Variants in AGTPBP1 observed in about 807,000 individuals in gnomAD.
AGTPBP1 encodes cytosolic carboxypeptidase 1.
In AGTPBP1, 70 loss-of-function variants were observed where a neutral mutation model predicts 143.9. That is an observed-to-expected ratio of 0.49 (90% CI 0.40 to 0.59). The LOEUF is 0.59. AGTPBP1 is among the 20% of genes least tolerant of loss of function. AGTPBP1 has a pLI of 0.00. For missense variants in AGTPBP1, 1,229 were observed against 1,464.5 expected (o/e 0.84, Z 2.62); for synonymous variants, 463 against 500.2 (o/e 0.93, Z 0.99).
chr9:85,778,053 G>A, the AGTPBP1 span, among the ~76,000 whole-genome samples: 3 of 152,206 alleles, frequency 2.0e-5, no homozygotes, highest in Non-Finnish European at 2.9e-5. Context: ...TGAGGCCATC[G>A]GTGCAGGCTG....
chr9:85,720,047 G>C (rs1453169894), intron 1 of AGTPBP1, among the ~76,000 whole-genome samples: 1 of 152,178 alleles, frequency 6.6e-6, no homozygotes, highest in Non-Finnish European at 1.5e-5. Context: ...TTCTTGTGCT[G>C]CTGGATTCAG....
intron 18 of AGTPBP1, among the ~76,000 whole-genome samples, chr9:85,593,565 G>A (rs191646747): frequency 3.3e-5 from 5 of 152,242 alleles, no homozygotes; most frequent in South Asian, 2.1e-4. Context: ...TGTGATAATC[G>A]CATTGTAGTT....
At chr9:85,624,102 T>C (rs914959693) in intron 14 of AGTPBP1, among the ~76,000 whole-genome samples, 3 of 152,220 alleles carry the variant, frequency 2.0e-5, no homozygotes, top group African/African-American at 4.8e-5. Context: ...GGCAACACTA[T>C]AAGAAATCAT....
In AGTPBP1 at chr9:85,701,599, A is replaced by G. The variant is rs555398920; in HGVS notation, c.33-8786T>C. ...CAATTACTATATTGTAGGAGTGATCAAACAGTCCACATGAGGAACACCATG... is the reference window on the plus strand; with the variant it reads ...CAATTACTATATTGTAGGAGTGATCGAACAGTCCACATGAGGAACACCATG... On this transcript the variant is annotated intron_variant, in intron 2 of 25. Coordinates refer to ENST00000357081, the MANE Select transcript of AGTPBP1 (RefSeq NM_001330701.2). 5.9e-5 allele frequency among the ~76,000 whole-genome samples: 9 copies of G among 152,354 alleles called. No homozygotes were observed. The East Asian group carries it at 1.7e-3, about 29-fold the overall frequency.
intron 2 of AGTPBP1, among the ~76,000 whole-genome samples, chr9:85,711,223 A>G (rs982028240): frequency 6.6e-6 from 1 of 152,194 alleles, no homozygotes; most frequent in African/African-American, 2.4e-5. Flanking sequence ...CATTATCATT[A>G]AAGTAATTGT....
chr9:85,667,470 T>A (rs1390058261), intron 8 of AGTPBP1, among the ~76,000 whole-genome samples: 2 of 152,048 alleles, frequency 1.3e-5, no homozygotes, highest in African/African-American at 4.8e-5. Flanking sequence ...TTCCAACCAC[T>A]AATGAAATAA....
At chr9:85,785,070 T>C in the AGTPBP1 span, among the ~76,000 whole-genome samples, 2 of 152,100 alleles carry the variant, frequency 1.3e-5, no homozygotes, top group Non-Finnish European at 2.9e-5. Context: ...CGGTGGCTCA[T>C]GCCTGTAATC....
chr9:85,754,375 A>G, the AGTPBP1 span, among the ~76,000 whole-genome samples: 1 of 152,150 alleles, frequency 6.6e-6, no homozygotes, highest in Non-Finnish European at 1.5e-5. Context: ...TATTTTTAGT[A>G]GAGACGGGGT....
At chr9:85,770,770 T>C in the AGTPBP1 span, among the ~76,000 whole-genome samples, 2 of 152,124 alleles carry the variant, frequency 1.3e-5, no homozygotes, top group East Asian at 1.9e-4. Context: ...ATTTAAGTTA[T>C]ATTCCTTGCT....
intron 23 of AGTPBP1, among the ~76,000 whole-genome samples, chr9:85,581,244 G>A (rs1828240515): frequency 6.6e-6 from 1 of 152,170 alleles, no homozygotes; most frequent in African/African-American, 2.4e-5. Context: ...CATAGGAAGA[G>A]AGGCACTGTG....
chr9:85,580,883 T>C (rs969784859), intron 23 of AGTPBP1, among the ~76,000 whole-genome samples: 4 of 152,170 alleles, frequency 2.6e-5, no homozygotes, highest in African/African-American at 9.7e-5. Context: ...AATATTGTCA[T>C]GGGAAAAAGT....
At chr9:85,550,074 A>C (rs999897626) in intron 25 of AGTPBP1, among the ~76,000 whole-genome samples, 1 of 152,264 alleles carries the variant, frequency 6.6e-6, no homozygotes, top group South Asian at 2.1e-4. Context: ...AGCTATTGTG[A>C]TGGGCCCACC....
At chr9:85,614,113 A>C (rs891263678) in intron 17 of AGTPBP1, among the ~76,000 whole-genome samples, 5 of 152,068 alleles carry the variant, frequency 3.3e-5, no homozygotes, top group African/African-American at 1.2e-4. Flanking sequence ...GGATATGCTT[A>C]ATGTAAACAC....
At position 85,633,008 on chromosome 9, in the gene AGTPBP1, CCTT is replaced by C. The variant is rs762125013; in HGVS notation, c.1666_1668del (p.Lys556del). ...AGGACAGTAAGAGGAAGACTGCAGT[CCTT>C]CTTCATTTCTGCAGTAAAACCTGGG... On this transcript the variant is annotated inframe_deletion, in exon 14 of 26. Transcript: ENST00000357081. 2 of 1,614,078 alleles carry C rather than the reference CCTT, an allele frequency of 1.2e-6. No individual in the cohort carries two copies. Among genetic ancestry groups the C allele is most frequent in the Non-Finnish European group, 1.7e-6 (2 of 1,179,988 alleles).
At chr9:85,658,698 G>A (rs116694844) in intron 9 of AGTPBP1, among the ~76,000 whole-genome samples, 61 of 152,216 alleles carry the variant, frequency 4.0e-4, no homozygotes, top group African/African-American at 1.4e-3. Context: ...GTTTCTAAAT[G>A]TGCTAGTACA....
the AGTPBP1 span, among the ~76,000 whole-genome samples, chr9:85,780,944 G>A: frequency 3.9e-5 from 6 of 152,002 alleles, no homozygotes; most frequent in Admixed American, 2.0e-4. Flanking sequence ...ATGAAACCTC[G>A]TCTCTACTAA....
At chr9:85,644,780 G>T (rs1832711775) in intron 12 of AGTPBP1, among the ~76,000 whole-genome samples, 1 of 151,966 alleles carries the variant, frequency 6.6e-6, no homozygotes, top group African/African-American at 2.4e-5. Context: ...ATAACCATAA[G>T]AGAACACAAA....
chr9:85,664,800 C>T (rs1834037360), intron 8 of AGTPBP1, among the ~76,000 whole-genome samples: 1 of 152,156 alleles, frequency 6.6e-6, no homozygotes, highest in Admixed American at 6.6e-5. Flanking sequence ...TCAAGACTCA[C>T]TGCATTACAT....
At chr9:85,587,834 G>GA (rs752920112) in intron 21 of AGTPBP1, among the ~76,000 whole-genome samples, 2 of 151,942 alleles carry the variant, frequency 1.3e-5, no homozygotes, top group African/African-American at 4.8e-5. Context: ...CCCCTCTAAA[G>GA]AACTCCTGTC....
Sources: gnomAD v4.1 joint callset for allele counts (sites outside exome capture counted in the v4.1 genomes callset) on GRCh38, gnomAD v4.1.1 for gene constraint, MANE v1.5 for transcripts, NCBI Gene and HGNC (gene_info 2026-07-23, HGNC 2026-07-21) for gene names.